ANKRD36: variants seen among roughly 807,000 people sequenced by gnomAD.
ANKRD36 encodes the protein ankyrin repeat domain 36, also known as ankyrin repeat domain-containing protein 36A.
A neutral mutation model predicts 278.1 loss-of-function variants in ANKRD36; 179 were observed. That is an observed-to-expected ratio of 0.64 (90% confidence interval 0.57 to 0.73). The LOEUF is 0.73. ANKRD36 is among the 30% of genes least tolerant of loss of function. The pLI is 0.00. For synonymous variants in ANKRD36, 320 were observed against 641.1 expected (o/e 0.50, Z 7.57); for missense variants, 1,159 against 1,956.7 (o/e 0.59, Z 7.69).
At chr2:97,212,004 G>T (rs1177139750) in intron 58 of ANKRD36, among the ~76,000 whole-genome samples, 35 of 151,954 alleles carry the variant, frequency 2.3e-4, no homozygotes, top group African/African-American at 7.9e-4. Context: ...AGGCTCAGGG[G>T]ACAGCATCAT....
intron 68 of ANKRD36, among the ~76,000 whole-genome samples, chr2:97,240,951 ATCAAATTATC>A (rs1367736887): frequency 1.7e-5 from 2 of 117,458 alleles, no homozygotes; most frequent in Non-Finnish European, 3.3e-5. Context: ...TGAAGTATAG[ATCAAATTATC>A]TTATGCAATC....
At chr2:97,205,204 G>T (rs2062510414) in intron 50 of ANKRD36, among the ~76,000 whole-genome samples, 1 of 151,632 alleles carries the variant, frequency 6.6e-6, no homozygotes, top group African/African-American at 2.4e-5. Context: ...GGTTGTGGCA[G>T]TTTTACTTTG....
At chr2:97,203,343 T>C (rs1369102648) in intron 48 of ANKRD36, among the ~76,000 whole-genome samples, 1 of 151,868 alleles carries the variant, frequency 6.6e-6, no homozygotes, top group African/African-American at 2.4e-5. Context: ...AGTTTCACTT[T>C]GTATGTGTAT....
intron 22 of ANKRD36, among the ~76,000 whole-genome samples, chr2:97,173,427 G>A (rs1405547078): frequency 1.3e-5 from 2 of 151,834 alleles, no homozygotes; most frequent in East Asian, 1.9e-4. Context: ...CTGTGAAAGA[G>A]TGTCTATGGG....
chr2:97,203,643 G>T (rs1331613426), intron 48 of ANKRD36, among the ~76,000 whole-genome samples: 1 of 151,792 alleles, frequency 6.6e-6, no homozygotes, highest in East Asian at 1.9e-4. Context: ...AAGTTAAAGA[G>T]CATGATGAAT....
Position 97,215,487 on chromosome 2 carries a change from A to G in ANKRD36, c.3663A>G (p.Ile1221Met). 1.3e-6 allele frequency: 2 copies of G among 1,573,030 alleles called. No individual in the cohort carries two copies. Among genetic ancestry groups the G allele is most frequent in the East Asian group, 4.8e-5 (2 of 41,850 alleles). Residue 1221 changes from isoleucine (I) to methionine (M), a missense_variant, in exon 62 of 76, where the codon ATA becomes ATG. By Grantham distance (10) the Ile-to-Met change is conservative. Transcript: ENST00000420699. ...CCACAGAAATAAAGGATGGACAAATACGTGGGACAGGTATTTTGGAATACA... is the reference window on the plus strand; with the variant it reads ...CCACAGAAATAAAGGATGGACAAATGCGTGGGACAGGTATTTTGGAATACA... ...NIATEIKDGQIRGTVSPQKQS... is the reference protein window; with the variant it reads ...NIATEIKDGQMRGTVSPQKQS...
chr2:97,113,429 G>T lies in ANKRD36; in HGVS notation c.-311G>T. On this transcript the variant is annotated 5_prime_UTR_variant, in exon 1 of 76. Coordinates refer to ENST00000420699, the MANE Select transcript of ANKRD36 (RefSeq NM_001354587.1). ...GACAGTTAAACAGGCCCTGGGGCAG[G>T]GCGCGCCTCGCGCTCCAGGGAGCCC... The T allele has an allele frequency of 2.3e-6, 1 of 434,448 alleles. No individual in the cohort carries two copies. The highest frequency in any genetic ancestry group is 5.5e-5 in the East Asian group (1 of 18,260). 26.9% of individuals were successfully genotyped at this position (434,448 alleles called of 1,614,324 possible).
At chr2:97,194,529 G>A (rs78510628) in intron 38 of ANKRD36, among the ~76,000 whole-genome samples, 197 bp from the exon 39 acceptor site, 1 of 151,478 alleles carries the variant, frequency 6.6e-6, no homozygotes, top group Non-Finnish European at 1.5e-5. Context: ...AATTGTAAGG[G>A]TATATTTCAC....
chr2:97,198,672 G>C lies in ANKRD36; in HGVS notation c.2755+14G>C, dbSNP rs1174766181. On this transcript the variant is annotated intron_variant, in intron 44 of 75. Coordinates refer to ENST00000420699, the MANE Select transcript of ANKRD36 (RefSeq NM_001354587.1). ...AAACTAAGAGAGGTAATTTTGAAAA[G>C]AGATTTAATGTCATGTTCAGTGCAG... 1.3e-6 allele frequency: 2 copies of C among 1,536,678 alleles called. No homozygotes were observed. Among genetic ancestry groups the C allele is most frequent in the Non-Finnish European group, 1.8e-6 (2 of 1,136,568 alleles).
intron 22 of ANKRD36, 117 bp from the exon 23 acceptor site, chr2:97,179,621 T>A: frequency 3.2e-6 from 4 of 1,249,236 alleles, no homozygotes; most frequent in Non-Finnish European, 4.3e-6. Flanking sequence ...TATCAAAGCC[T>A]ACAGTAATAC....
intron 66 of ANKRD36, among the ~76,000 whole-genome samples, chr2:97,220,789 T>TTTTTTTTA (rs2067376044): frequency 7.9e-6 from 1 of 127,156 alleles, no homozygotes; most frequent in Admixed American, 9.1e-5. Context: ...TTTTTTTTTT[T>TTTTTTTTA]ATTATACTCT....
At chr2:97,227,709 G>C (rs1331533557) in intron 67 of ANKRD36, among the ~76,000 whole-genome samples, 1 of 152,112 alleles carries the variant, frequency 6.6e-6, no homozygotes, top group South Asian at 2.1e-4. Flanking sequence ...GTGCCCTCTT[G>C]TGCCAGTTTT....
chr2:97,163,473 T>C, intron 18 of ANKRD36: 1 of 316,612 alleles, frequency 3.2e-6, no homozygotes. Flanking sequence ...GAAGCCTTCA[T>C]GACTGTGGAT....
Position 97,179,205 on chromosome 2 carries a change from T to C in ANKRD36, c.1634-533T>C, listed in dbSNP as rs568288340. ...CATACTAGAATTCACCAAACATATA[T>C]CCAAGCTGATTAAGTTAGGACACTT... On this transcript the variant is annotated intron_variant, in intron 22 of 75. Transcript: ENST00000420699. 3.9e-3 allele frequency among the ~76,000 whole-genome samples: 589 copies of C among 151,658 alleles called. 5 individuals carry two copies. Among genetic ancestry groups the C allele is most frequent in the South Asian group, 6.5e-3 (31 of 4,764 alleles).
intron 50 of ANKRD36, among the ~76,000 whole-genome samples, chr2:97,204,656 C>T (rs184612059): frequency 9.2e-5 from 14 of 151,460 alleles, no homozygotes; most frequent in Non-Finnish European, 1.8e-4. Context: ...TGTAACAACC[C>T]GTAGACACTG....
At chr2:97,201,685 G>A (rs143600345) in intron 46 of ANKRD36, among the ~76,000 whole-genome samples, 2,043 of 151,946 alleles carry the variant, frequency 0.013, 46 homozygotes, top group African/African-American at 0.047. Flanking sequence ...GATCAATGTA[G>A]GACACTTCCA....
At chr2:97,225,880 G>T (rs1181806149) in intron 67 of ANKRD36, among the ~76,000 whole-genome samples, 3 of 151,278 alleles carry the variant, frequency 2.0e-5, no homozygotes, top group Non-Finnish European at 2.9e-5. Context: ...GCAGTGTTTG[G>T]TTTTTTGTCC....
At chr2:97,184,057 A>G (rs568071515) in intron 28 of ANKRD36, among the ~76,000 whole-genome samples, 17 of 151,836 alleles carry the variant, frequency 1.1e-4, no homozygotes. Flanking sequence ...ACCCGTAGAC[A>G]CTGGAGAATG....
Position 97,118,149 on chromosome 2 carries a change from G to A in ANKRD36, c.283G>A (p.Asp95Asn), listed in dbSNP as rs552904673. 16 of 1,571,100 alleles carry A rather than the reference G, an allele frequency of 1.0e-5. No individual in the cohort carries two copies. The highest frequency in any genetic ancestry group is 1.7e-4 in the Middle Eastern group (1 of 6,018). ...CAGAAGATGTGAGCTTAACCTCTGC[G>A]ACCGTGAAGACAGGACACCTCTGAT... ...VSRRCELNLC[D>N]REDRTPLIKA... The change falls in exon 2 of 76, where the codon GAC becomes AAC. Residue 95 changes from aspartate (D) to asparagine (N), a missense_variant. Transcript: ENST00000420699.
Sources: gnomAD v4.1 joint callset for allele counts (sites outside exome capture counted in the v4.1 genomes callset) on GRCh38, gnomAD v4.1.1 for gene constraint, MANE v1.5 for transcripts, NCBI Gene and HGNC (gene_info 2026-07-23, HGNC 2026-07-21) for gene names.